LSM1: variants seen among roughly 807,000 people sequenced by gnomAD.
LSM1 encodes the protein LSM1 homolog, mRNA degradation associated, also known as U6 snRNA-associated Sm-like protein LSm1.
In LSM1, 13 loss-of-function variants were observed where a neutral mutation model predicts 18.0. That is an observed-to-expected ratio of 0.72 (90% CI 0.47 to 1.15). LSM1 has a LOEUF of 1.15. LSM1 is among the 50% of genes most tolerant of loss of function. LSM1 has a pLI of 0.00. For synonymous variants in LSM1, 46 were observed against 56.0 expected, an observed-to-expected ratio of 0.82 and a Z score of 0.80; for missense variants, 152 against 157.7, an observed-to-expected ratio of 0.96 and a Z score of 0.19.
chr8:38,173,896 T>A (rs188641034), intron 1 of LSM1, among the ~76,000 whole-genome samples: 32 of 152,286 alleles, frequency 2.1e-4, no homozygotes, highest in Non-Finnish European at 4.6e-4. Flanking sequence ...CCACATGTAA[T>A]CCAAGTGACC....
intron 3 of LSM1, among the ~76,000 whole-genome samples, chr8:38,167,702 T>C (rs1269111554): frequency 6.6e-6 from 1 of 152,146 alleles, no homozygotes; most frequent in Admixed American, 6.6e-5. Flanking sequence ...TTCAGAAAAG[T>C]ATTTTTAAAA....
rs757876995 is a variant in LSM1 at position 38,163,703 on chromosome 8, G to A, written c.369C>T (p.Ser123=). 8.1e-6 allele frequency: 13 copies of A among 1,614,156 alleles called. No homozygotes were observed. Among genetic ancestry groups the A allele is most frequent in the Non-Finnish European group, 1.1e-5 (13 of 1,180,012 alleles). Residue 123 remains serine (S), a synonymous_variant, in exon 4 of 4, where the codon TCC becomes TCT. Transcript: ENST00000311351. The part of the protein sequence containing the change: ...KVQALKDRGL[S]IPRADTLDEY ...CATCAAGAGTATCTGCTCGAGGAAT[G>A]GAAAGACCTCGGTCCTTCAGGGCCT...
intron 3 of LSM1, among the ~76,000 whole-genome samples, chr8:38,164,216 G>A (rs1282280359): frequency 6.6e-6 from 1 of 152,100 alleles, no homozygotes; most frequent in South Asian, 2.1e-4. Flanking sequence ...CACCACGCCT[G>A]GCTAATTTTT....
At chr8:38,171,691 C>A (rs1474885326) in intron 2 of LSM1, among the ~76,000 whole-genome samples, 1 of 152,084 alleles carries the variant, frequency 6.6e-6, no homozygotes, top group African/African-American at 2.4e-5. Context: ...ACAAAACAAG[C>A]CTCTTCGGTG....
chr8:38,171,247 C>G (rs1803024178), intron 2 of LSM1, among the ~76,000 whole-genome samples: 1 of 152,212 alleles, frequency 6.6e-6, no homozygotes, highest in African/African-American at 2.4e-5. Flanking sequence ...AATAAGCAGC[C>G]TTGGGCCGGG....
chr8:38,173,203 C>T (rs1309019969), intron 1 of LSM1, among the ~76,000 whole-genome samples: 1 of 152,178 alleles, frequency 6.6e-6, no homozygotes. Context: ...AACACAGTGA[C>T]TCTGCCCTGA....
chr8:38,171,542 C>T lies in LSM1; in HGVS notation c.115+423G>A, dbSNP rs1803030711. On this transcript the variant is annotated intron_variant, in intron 2 of 3. Coordinates refer to ENST00000311351, the MANE Select transcript of LSM1 (RefSeq NM_014462.3). ...ATTAGCTGGGGGTGGTGGCTGGAGC[C>T]TATAATCTCAGCTACTTGGGAGGCT... Among the ~76,000 whole-genome samples the T allele has an allele frequency of 3.9e-5, 6 of 152,184 alleles. No homozygotes were observed. The South Asian group carries it at 1.2e-3, about 32-fold the overall frequency.
At chr8:38,171,550 T>G (rs758516887) in intron 2 of LSM1, among the ~76,000 whole-genome samples, 2 of 152,088 alleles carry the variant, frequency 1.3e-5, no homozygotes, top group Admixed American at 6.6e-5. Flanking sequence ...GCCTATAATC[T>G]CAGCTACTTG....
At chr8:38,166,964 G>A (rs904861521) in intron 3 of LSM1, among the ~76,000 whole-genome samples, 2 of 152,134 alleles carry the variant, frequency 1.3e-5, no homozygotes, top group East Asian at 1.9e-4. Flanking sequence ...CATCATCATC[G>A]TCCTTGAGGC....
chr8:38,172,374 T>G (rs1803047183), intron 1 of LSM1, among the ~76,000 whole-genome samples: 1 of 149,496 alleles, frequency 6.7e-6, no homozygotes. Flanking sequence ...CAGGCTGCAG[T>G]GCAGTGGCAC....
intron 2 of LSM1, 146 bp from the exon 3 acceptor site, chr8:38,170,063 A>AC (rs1802998504): frequency 1.9e-6 from 1 of 514,430 alleles, no homozygotes; most frequent in African/African-American, 2.0e-5. Flanking sequence ...ATTTTTTGAG[A>AC]CCGAGTCTCG....
chr8:38,168,316 C>T (rs1206238507), intron 3 of LSM1, among the ~76,000 whole-genome samples: 1 of 148,986 alleles, frequency 6.7e-6, no homozygotes, highest in African/African-American at 2.5e-5. Context: ...CTTGGCTGGG[C>T]GCGGTGGCTC....
chr8:38,176,254 GGGA>G lies in LSM1; in HGVS notation c.46+18_46+20del. 6.2e-7 allele frequency: 1 copy of G among 1,611,744 alleles called. No individual in the cohort carries two copies. Among genetic ancestry groups the G allele is most frequent in the Non-Finnish European group, 8.5e-7 (1 of 1,178,200 alleles). On this transcript the variant is annotated intron_variant, in intron 1 of 3. Coordinates refer to ENST00000311351, the MANE Select transcript of LSM1 (RefSeq NM_014462.3). ...GAAGGGTCTAACCCCGGGCTCCACCGGGAGGAGATAAACTACTCACTGTCAATG... is the reference window on the plus strand; with the variant it reads ...GAAGGGTCTAACCCCGGGCTCCACCGGGAGATAAACTACTCACTGTCAATG...
intron 3 of LSM1, among the ~76,000 whole-genome samples, chr8:38,165,663 C>T (rs1050923611): frequency 2.7e-5 from 4 of 150,540 alleles, no homozygotes; most frequent in African/African-American, 9.8e-5. Context: ...CACCACTGCA[C>T]TCTAGCCTGG....
intron 3 of LSM1, among the ~76,000 whole-genome samples, chr8:38,164,081 G>C (rs1180667643): frequency 6.6e-6 from 1 of 152,128 alleles, no homozygotes; most frequent in Non-Finnish European, 1.5e-5. Context: ...TTTCAAGATG[G>C]AGTCTCTCTG....
chr8:38,167,551 C>T (rs1328473047), intron 3 of LSM1, among the ~76,000 whole-genome samples: 1 of 152,178 alleles, frequency 6.6e-6, no homozygotes, highest in East Asian at 1.9e-4. Context: ...GCCATGTTGC[C>T]CAGGCTGGTC....
chr8:38,163,640 T>C lies in LSM1; in HGVS notation c.*30A>G. On this transcript the variant is annotated 3_prime_UTR_variant, in exon 4 of 4. Transcript: ENST00000311351. ...TTTCACTCAGTGACAGCCCCTACTC[T>C]TCAAGAGCCAACAGCCTCTGGGCAA... The C allele has an allele frequency of 6.2e-7, 1 of 1,610,326 alleles. No homozygotes were observed. The highest frequency in any genetic ancestry group is 8.5e-7 in the Non-Finnish European group (1 of 1,177,290).
rs1477554034 is a variant in LSM1 at position 38,176,475 on chromosome 8, C to T, written c.-155G>A. 4.7e-6 allele frequency: 3 copies of T among 631,734 alleles called. No individual in the cohort carries two copies. The highest frequency in any genetic ancestry group is 3.7e-5 in the African/African-American group (2 of 54,620). 39.1% of individuals were successfully genotyped at this position (631,734 alleles called of 1,614,324 possible). ...CCCGGCTTTCAGCCGCCGGGGGCTG[C>T]CGGAAGCTCCTCCATATTACCCTTA... On this transcript the variant is annotated 5_prime_UTR_variant, in exon 1 of 4. Coordinates refer to ENST00000311351, the MANE Select transcript of LSM1 (RefSeq NM_014462.3).
chr8:38,169,761 TG>T (rs1434925887), intron 3 of LSM1, 40 bp downstream of exon 3: 1 of 1,160,694 alleles, frequency 8.6e-7, no homozygotes, highest in African/African-American at 1.5e-5. Context: ...CTAACTAGCA[TG>T]AATATGAAGA....
Sources: allele counts gnomAD v4.1 joint callset (sites outside exome capture counted in the v4.1 genomes callset), GRCh38; gene constraint gnomAD v4.1.1; transcripts MANE v1.5; gene names NCBI Gene and HGNC (gene_info 2026-07-23, HGNC 2026-07-21).